TBX4: variants seen among roughly 807,000 people sequenced by gnomAD.
TBX4 encodes the protein T-box transcription factor TBX4.
A neutral mutation model predicts 54.6 loss-of-function variants in TBX4; 13 were observed. The ratio of observed to expected loss-of-function variants is 0.24; its 90% confidence interval spans 0.15 to 0.38. The LOEUF (loss-of-function observed/expected upper bound fraction) is 0.38. Among genes scored for constraint, TBX4 ranks in the 10% least tolerant of loss-of-function variants. TBX4 has a pLI of 1.00. For missense variants in TBX4, 631 were observed against 728.5 expected, an observed-to-expected ratio of 0.87 and a Z score of 1.54; for synonymous variants, 314 against 306.7, an observed-to-expected ratio of 1.02 and a Z score of -0.25.
At chr17:61,454,352 A>G (rs1470719898) in intron 1 of TBX4, among the ~76,000 whole-genome samples, 1 of 152,288 alleles carries the variant, frequency 6.6e-6, no homozygotes, top group Admixed American at 6.5e-5. Context: ...GCTGAAAGCA[A>G]CAGACCCCAT....
chr17:61,471,542 C>CCTTTT (rs1223655366), intron 5 of TBX4, among the ~76,000 whole-genome samples: 3 of 131,402 alleles, frequency 2.3e-5, no homozygotes, highest in South Asian at 2.4e-4. Context: ...TTCTTTTCAG[C>CCTTTT]ATTTTTTTTT....
intron 1 of TBX4, among the ~76,000 whole-genome samples, chr17:61,453,630 G>A (rs1243534214): frequency 1.3e-5 from 2 of 152,106 alleles, no homozygotes; most frequent in Admixed American, 6.5e-5. Context: ...AGTATTAAGA[G>A]CTACAACAAT....
At position 61,482,961 on chromosome 17, in the gene TBX4, G is replaced by C. The variant is rs61739274; in HGVS notation, c.1086G>C (p.Val362=). The change falls in exon 9 of 9, where the codon GTG becomes GTC. Residue 362 remains valine (V), a synonymous_variant. Transcript: ENST00000644296. ...KRSYLEAPSS[V]GEDHYFRSPP... is the part of the protein sequence containing the mutation. ...CCTATCTGGAAGCCCCCTCTTCGGT[G>C]GGGGAGGATCACTATTTCCGTTCCC... The C allele has an allele frequency of 4.9e-4, 790 of 1,613,954 alleles. 3 individuals carry two copies. Among genetic ancestry groups the C allele is most frequent in the Middle Eastern group, 2.5e-3 (15 of 6,062 alleles).
intron 5 of TBX4, among the ~76,000 whole-genome samples, chr17:61,473,684 C>T (rs2060597497): frequency 6.6e-6 from 1 of 152,242 alleles, no homozygotes; most frequent in African/African-American, 2.4e-5. Flanking sequence ...CTGAAATCGG[C>T]TGTCTGATGC....
chr17:61,477,767 C>T (rs902701643), intron 5 of TBX4, among the ~76,000 whole-genome samples: 7 of 151,824 alleles, frequency 4.6e-5, no homozygotes, highest in African/African-American at 1.7e-4. Context: ...ATGGTGAAAC[C>T]CTGTCTCTTC....
intron 4 of TBX4, among the ~76,000 whole-genome samples, chr17:61,467,293 G>T (rs928027620): frequency 2.0e-5 from 3 of 152,144 alleles, no homozygotes; most frequent in East Asian, 3.9e-4. Context: ...CTTTTCTACT[G>T]CAGTAAAATA....
At chr17:61,455,816 G>GT (rs2060443903) in intron 1 of TBX4, among the ~76,000 whole-genome samples, 1 of 152,212 alleles carries the variant, frequency 6.6e-6, no homozygotes, top group Non-Finnish European at 1.5e-5. Context: ...GGGATGCTGT[G>GT]TGAGGGGCTG....
rs56105625 is a variant in TBX4 at position 61,484,945 on chromosome 17, A to AATATATATATAT, written c.*1445_*1456dup. The stretch of plus-strand genomic sequence containing the variant: ...ATGGTTTAGATAAAACATATAAATA[A>AATATATATATAT]ATATATATATATATATATATATATA... On this transcript the variant is annotated 3_prime_UTR_variant, in exon 9 of 9. Coordinates refer to ENST00000644296, the MANE Select transcript of TBX4 (RefSeq NM_001321120.2). This position sits in a 1 kb window ranked among gnomAD's most constrained non-coding sequence, Gnocchi z 4.1. 7.8e-5 allele frequency: 11 copies of AATATATATATAT among 140,606 alleles called. No individual in the cohort carries two copies. The highest frequency in any genetic ancestry group is 6.7e-4 in the South Asian group (3 of 4,504). 8.7% of individuals were successfully genotyped at this position (140,606 alleles called of 1,614,324 possible).
At chr17:61,453,799 T>C (rs1337293060) in intron 1 of TBX4, among the ~76,000 whole-genome samples, 6 of 152,094 alleles carry the variant, frequency 3.9e-5, no homozygotes, top group Non-Finnish European at 8.8e-5. Flanking sequence ...ACAAAACAAA[T>C]TGTGGTTAGA....
intron 1 of TBX4, among the ~76,000 whole-genome samples, chr17:61,454,560 AG>A (rs1428484276): frequency 6.6e-6 from 1 of 152,228 alleles, no homozygotes; most frequent in East Asian, 1.9e-4. Flanking sequence ...ATTGCTGGGA[AG>A]GGGGCAAGCT....
chr17:61,482,103 C>T (rs2060667105), intron 8 of TBX4, among the ~76,000 whole-genome samples: 2 of 152,138 alleles, frequency 1.3e-5, no homozygotes, highest in Admixed American at 1.3e-4. Context: ...GTGGGCTGCT[C>T]CCCAAACCCT....
At chr17:61,454,624 C>T (rs2060434033) in intron 1 of TBX4, among the ~76,000 whole-genome samples, 1 of 152,366 alleles carries the variant, frequency 6.6e-6, no homozygotes, top group East Asian at 1.9e-4. Context: ...AGAGGCAAAC[C>T]CTGAGCCCGG....
rs2143818595 is a variant in TBX4 at position 61,464,945 on chromosome 17, G to A, written c.282-874G>A. 6.6e-6 allele frequency among the ~76,000 whole-genome samples: 1 copy of A among 152,280 alleles called. No individual in the cohort carries two copies. Among genetic ancestry groups the A allele is most frequent in the South Asian group, 2.1e-4 (1 of 4,824 alleles). On this transcript the variant is annotated intron_variant, in intron 3 of 8. Transcript: ENST00000644296. The surrounding 1 kb of genome is among the most constrained non-coding windows in gnomAD (Gnocchi z 5.8). Reference sequence around the variant, plus strand: ...GTCATACCACTTCTCCATTTACTTTGCTGAGGGAGGAGTGCAGCAGGGGTC... The same window carrying A: ...GTCATACCACTTCTCCATTTACTTTACTGAGGGAGGAGTGCAGCAGGGGTC...
chr17:61,478,447 A>C lies in TBX4; in HGVS notation c.550-180A>C, dbSNP rs779062823. Reference sequence around the variant, plus strand: ...GAGGCTAAGTAGGGCTGGGGTGGGGAGAGTTTGGGGCCCAGGGGCCTGGTT... The same window carrying C: ...GAGGCTAAGTAGGGCTGGGGTGGGGCGAGTTTGGGGCCCAGGGGCCTGGTT... On this transcript the variant is annotated intron_variant, in intron 5 of 8. Transcript: ENST00000644296. The surrounding 1 kb of genome is among the most constrained non-coding windows in gnomAD (Gnocchi z 7.4). 4 of 737,540 alleles carry C rather than the reference A, an allele frequency of 5.4e-6. No individual in the cohort carries two copies. Among genetic ancestry groups the C allele is most frequent in the African/African-American group, 1.8e-5 (1 of 56,646 alleles). 45.7% of individuals were successfully genotyped at this position (737,540 alleles called of 1,614,324 possible).
In TBX4 at chr17:61,484,945, A is replaced by ATATAT. The variant is rs2060693108; in HGVS notation, c.*1429_*1430insTATAT. The ATATAT allele has an allele frequency of 1.0e-4, 14 of 140,606 alleles. No individual in the cohort carries two copies. Among genetic ancestry groups the ATATAT allele is most frequent in the East Asian group, 8.1e-4 (4 of 4,940 alleles). The allele number at this position is 140,606 out of a possible 1,614,324, so 8.7% of individuals were successfully genotyped here. A position where few individuals can be genotyped will look rare whatever the true frequency, so the allele number is the denominator to read the frequency against. ...ATGGTTTAGATAAAACATATAAATAAATATATATATATATATATATATATA... is the reference window on the plus strand; with the variant it reads ...ATGGTTTAGATAAAACATATAAATAATATATATATATATATATATATATATATATA... On this transcript the variant is annotated 3_prime_UTR_variant, in exon 9 of 9. Transcript: ENST00000644296. This position sits in a 1 kb window ranked among gnomAD's most constrained non-coding sequence, Gnocchi z 4.1.
rs1239760342 is a variant in TBX4 at position 61,472,456 on chromosome 17, ATCCT to A, written c.549+4801_549+4804del. 3.9e-5 allele frequency among the ~76,000 whole-genome samples: 6 copies of A among 152,260 alleles called. No individual in the cohort carries two copies. The East Asian group carries it at 1.2e-3, about 29-fold the overall frequency. On this transcript the variant is annotated intron_variant, in intron 5 of 8. Transcript: ENST00000644296. This position sits in a 1 kb window ranked among gnomAD's most constrained non-coding sequence, Gnocchi z 4.5. ...TCCTCTCCTGCGAACTGCTGTTCTC[ATCCT>A]TTGCTCATTTTTCTTGTAGGTTTTT...
At chr17:61,482,747 T>G in intron 8 of TBX4, 150 bp from the exon 9 acceptor site, 2 of 1,217,312 alleles carry the variant, frequency 1.6e-6, no homozygotes, top group Non-Finnish European at 2.3e-6. Flanking sequence ...ATAAAAGCCG[T>G]GGCTGATTGA....
chr17:61,480,008 G>A lies in TBX4; in HGVS notation c.791+39G>A, dbSNP rs756891876. On this transcript the variant is annotated intron_variant, in intron 7 of 8. Transcript: ENST00000644296. The surrounding 1 kb of genome is among the most constrained non-coding windows in gnomAD (Gnocchi z 6.2). Reference sequence around the variant, plus strand: ...GCCTGGGGGTGGGGCGGGCAGATGGGATTCAGGCACGTGGCCTCTGTGACC... The same window carrying A: ...GCCTGGGGGTGGGGCGGGCAGATGGAATTCAGGCACGTGGCCTCTGTGACC... 2 of 1,613,196 alleles carry A rather than the reference G, an allele frequency of 1.2e-6. No individual in the cohort carries two copies. The highest frequency in any genetic ancestry group is 1.7e-6 in the Non-Finnish European group (2 of 1,179,336).
rs1042729084 is a variant in TBX4 at position 61,457,428 on chromosome 17, C to T, written c.187-109C>T. ...AAACGAAATCTGGAGCCATGGGCTC[C>T]GGGCGGGCAGGGTTCCGCACAGCTC... On this transcript the variant is annotated intron_variant, in intron 2 of 8. Transcript: ENST00000644296. This position sits in a 1 kb window ranked among gnomAD's most constrained non-coding sequence, Gnocchi z 8.2. 23 of 948,964 alleles carry T rather than the reference C, an allele frequency of 2.4e-5. No homozygotes were observed. Among genetic ancestry groups the T allele is most frequent in the Admixed American group, 7.4e-5 (4 of 53,750 alleles). 58.8% of individuals were successfully genotyped at this position (948,964 alleles called of 1,614,324 possible). A position where few individuals can be genotyped will look rare whatever the true frequency, so the allele number is the denominator to read the frequency against.
Sources: allele counts gnomAD v4.1 joint callset (sites outside exome capture counted in the v4.1 genomes callset), GRCh38; gene constraint gnomAD v4.1.1; non-coding constraint Gnocchi (gnomAD v3.1); transcripts MANE v1.5; gene names NCBI Gene and HGNC (gene_info 2026-07-23, HGNC 2026-07-21).